The following XK variants were observed in gnomAD, a reference collection of about 807,000 sequenced individuals.
XK encodes the protein X-linked Kx blood group antigen, Kell and VPS13A binding protein, also known as endoplasmic reticulum membrane adapter protein XK.
In XK, 2 loss-of-function variants were observed where a neutral mutation model predicts 14.0. That is an observed-to-expected ratio of 0.14 (90% CI 0.06 to 0.45). The LOEUF (loss-of-function observed/expected upper bound fraction) is 0.45, where lower values mean the gene tolerates loss of function less well. XK is among the 20% of genes least tolerant of loss of function. The pLI, the probability that XK is intolerant of heterozygous loss-of-function variation, is 0.98. For missense variants in XK, 235 were observed against 341.5 expected, an observed-to-expected ratio of 0.69 and a Z score of 2.46; for synonymous variants, 149 against 147.5, an observed-to-expected ratio of 1.01 and a Z score of -0.08.
chrX:37,715,886 AGGGGG>A lies in XK; in HGVS notation c.509-11748_509-11744del, dbSNP rs1321804674. The stretch of plus-strand genomic sequence containing the variant: ...AATTAAACCCACCTCCAAATGGGCC[AGGGGG>A]GAGAATGCTTCCATCCACCCACCAA... On this transcript the variant is annotated intron_variant, in intron 2 of 2. Transcript: ENST00000378616. Among the ~76,000 whole-genome samples, 3 of 111,328 alleles carry A rather than the reference AGGGGG, an allele frequency of 2.7e-5. No individual in the cohort carries two copies. In the East Asian group the frequency reaches 8.5e-4, roughly 31 times the overall value.
chrX:37,705,275 C>G (rs1265515257), intron 2 of XK, among the ~76,000 whole-genome samples: 1 of 103,639 alleles, frequency 9.6e-6, no homozygotes, highest in East Asian at 3.0e-4. Flanking sequence ...GAAACCCCGT[C>G]TCTACTAAAA....
chrX:37,710,335 C>A (rs984789049), intron 2 of XK, among the ~76,000 whole-genome samples: 2 of 112,490 alleles, frequency 1.8e-5, no homozygotes, highest in African/African-American at 6.5e-5. Context: ...GCTTTAACTG[C>A]TCATGAGGTG....
chrX:37,709,276 CAAGATCTTCAGT>C (rs1179432948), intron 2 of XK, among the ~76,000 whole-genome samples: 2 of 112,032 alleles, frequency 1.8e-5, no homozygotes, highest in African/African-American at 6.5e-5. Flanking sequence ...AGTGAATGGC[CAAGATCTTCAGT>C]TATCTAAAGA....
chrX:37,702,157 G>A (rs1927429653), intron 2 of XK, among the ~76,000 whole-genome samples: 1 of 111,938 alleles, frequency 8.9e-6, no homozygotes, highest in Admixed American at 9.5e-5. Flanking sequence ...CCCACCTGAA[G>A]CTGCTGGAGA....
intron 2 of XK, among the ~76,000 whole-genome samples, chrX:37,715,155 T>C (rs1438515643): frequency 9.1e-6 from 1 of 110,349 alleles, no homozygotes; most frequent in Admixed American, 9.8e-5. Flanking sequence ...TGTGTGTGTA[T>C]ATATAGTCCT....
intron 1 of XK, among the ~76,000 whole-genome samples, chrX:37,689,510 C>T (rs1218591953): frequency 8.9e-6 from 1 of 112,086 alleles, no homozygotes; most frequent in African/African-American, 3.2e-5. Flanking sequence ...TAGCCAAACT[C>T]GTGTTTTTGC....
chrX:37,704,488 G>A (rs1485038229), intron 2 of XK, among the ~76,000 whole-genome samples: 1 of 110,978 alleles, frequency 9.0e-6, no homozygotes, highest in Non-Finnish European at 1.9e-5. Flanking sequence ...AGTGAGCTAC[G>A]ATTGCACCAC....
intron 2 of XK, among the ~76,000 whole-genome samples, chrX:37,717,456 G>A (rs972475254): frequency 2.7e-5 from 3 of 111,802 alleles, no homozygotes; most frequent in Non-Finnish European, 5.7e-5. Flanking sequence ...ATTCATACCT[G>A]TAAAATTCTT....
intron 2 of XK, among the ~76,000 whole-genome samples, chrX:37,723,507 CAGA>C: frequency 9.0e-6 from 1 of 111,220 alleles, no homozygotes; most frequent in Non-Finnish European, 1.9e-5. Flanking sequence ...TATGCATTCT[CAGA>C]AGGTTTCTGT....
At chrX:37,692,397 G>C (rs1178284051) in intron 1 of XK, among the ~76,000 whole-genome samples, 4 of 111,168 alleles carry the variant, frequency 3.6e-5, no homozygotes, top group African/African-American at 1.3e-4. Flanking sequence ...ATGATTATCA[G>C]TTTATTCTGT....
intron 2 of XK, among the ~76,000 whole-genome samples, chrX:37,703,206 C>T (rs1294871878): frequency 1.8e-5 from 2 of 112,251 alleles, no homozygotes; most frequent in Admixed American, 9.4e-5. Flanking sequence ...CCTTCAGAGT[C>T]TTCATGAAAA....
At chrX:37,707,733 G>A (rs1162036066) in intron 2 of XK, among the ~76,000 whole-genome samples, 56 of 111,248 alleles carry the variant, frequency 5.0e-4, no homozygotes, top group African/African-American at 1.7e-3. Flanking sequence ...TGGGCAGCCA[G>A]GCAGAGGGGC....
chrX:37,718,123 A>C lies in XK; in HGVS notation c.509-9513A>C, dbSNP rs1045455915. Among the ~76,000 whole-genome samples, 3 of 111,625 alleles carry C rather than the reference A, an allele frequency of 2.7e-5. No homozygotes were observed. The Admixed American group carries it at 2.8e-4, about 11-fold the overall frequency. ...CACACAGAAAACTATACTCATCATA[A>C]GGGCAAATCTTGATTTATCACAAAG... On this transcript the variant is annotated intron_variant, in intron 2 of 2. Coordinates refer to ENST00000378616, the MANE Select transcript of XK (RefSeq NM_021083.4).
chrX:37,726,069 C>T (rs2146833471), intron 2 of XK, among the ~76,000 whole-genome samples: 1 of 111,046 alleles, frequency 9.0e-6, no homozygotes, highest in South Asian at 3.7e-4. Flanking sequence ...GTCCAATGCA[C>T]CCATAGGATG....
chrX:37,721,272 G>A (rs1927865342), intron 2 of XK, among the ~76,000 whole-genome samples: 1 of 111,151 alleles, frequency 9.0e-6, no homozygotes, highest in African/African-American at 3.3e-5. Flanking sequence ...GTGATGTTGA[G>A]CATTTTTAAC....
intron 2 of XK, among the ~76,000 whole-genome samples, chrX:37,697,704 G>A (rs948196425): frequency 6.3e-5 from 7 of 111,870 alleles, no homozygotes; most frequent in African/African-American, 2.3e-4. Flanking sequence ...TACTTTGGGT[G>A]TACAATTCAG....
At chrX:37,686,295 T>C in intron 1 of XK, 89 bp downstream of exon 1, 1 of 1,156,070 alleles carries the variant, frequency 8.6e-7, no homozygotes. Context: ...GGGAGGCGGT[T>C]TTCCTGTGGA....
At chrX:37,698,338 C>G (rs1345518140) in intron 2 of XK, among the ~76,000 whole-genome samples, 6 of 109,869 alleles carry the variant, frequency 5.5e-5, no homozygotes, top group African/African-American at 2.0e-4. Context: ...CACAGTGGCT[C>G]ACACCTGTGA....
chrX:37,720,830 T>C (rs782147877), intron 2 of XK, among the ~76,000 whole-genome samples: 12 of 111,511 alleles, frequency 1.1e-4, no homozygotes, highest in South Asian at 3.7e-4. Context: ...GTTCCGTCCA[T>C]GTTACTGCAA....
Sources: gnomAD v4.1 joint callset for allele counts (sites outside exome capture counted in the v4.1 genomes callset) on GRCh38, gnomAD v4.1.1 for gene constraint, MANE v1.5 for transcripts, NCBI Gene and HGNC (gene_info 2026-07-23, HGNC 2026-07-21) for gene names.